The following COL7A1 variants were observed in gnomAD, a reference collection of about 807,000 sequenced individuals.
COL7A1 encodes the protein collagen alpha-1(VII) chain.
Under a neutral mutation model 456.2 loss-of-function variants are expected in COL7A1, and 296 were observed. The ratio of observed to expected loss-of-function variants is 0.65; its 90% CI spans 0.59 to 0.71. COL7A1 has a LOEUF of 0.71. Among genes scored for constraint, COL7A1 ranks in the 30% least tolerant of loss-of-function variants. The pLI, the probability that COL7A1 is intolerant of heterozygous loss-of-function variation, is 0.00. For synonymous variants in COL7A1, 1,464 were observed against 1,525.9 expected (o/e 0.96, Z 0.95); for missense variants, 3,441 against 4,017.2 (o/e 0.86, Z 3.88).
At position 48,585,818 on chromosome 3, in the gene COL7A1, A is replaced by G. The variant is rs1184948216; in HGVS notation, c.3786+12T>C. On this transcript the variant is annotated intron_variant, in intron 30 of 118. Transcript: ENST00000681320. This position sits in a 1 kb window ranked among gnomAD's most constrained non-coding sequence, Gnocchi z 4.5. Reference sequence around the variant, plus strand: ...AACCCATTCTCTATTCCCCGCCCGCAGGGGCACTCACCATCTCTCCAGGTT... The same window carrying G: ...AACCCATTCTCTATTCCCCGCCCGCGGGGGCACTCACCATCTCTCCAGGTT... 3.1e-6 allele frequency: 5 copies of G among 1,613,894 alleles called. No homozygotes were observed. The highest frequency in any genetic ancestry group is 1.1e-5 in the South Asian group (1 of 91,088).
At chr3:48,577,379 G>C (rs1169177645) in intron 65 of COL7A1, among the ~76,000 whole-genome samples, 9 of 152,206 alleles carry the variant, frequency 5.9e-5, no homozygotes, top group Admixed American at 5.9e-4. Flanking sequence ...GTGTGTCCTG[G>C]TCTGTTTGCA....
intron 1 of COL7A1, 32 bp from the exon 2 acceptor site, chr3:48,595,192 C>A: frequency 6.5e-7 from 1 of 1,530,532 alleles, no homozygotes; most frequent in South Asian, 1.2e-5. Flanking sequence ...CTAGGACCCC[C>A]GCCTCTGTCC....
rs1470954674 is a variant in COL7A1 at position 48,591,922 on chromosome 3, G to A, written c.1333C>T (p.Arg445Trp). Residue 445 changes from arginine (R) to tryptophan (W), a missense_variant, in exon 11 of 119, where the codon CGG (arginine) becomes TGG (tryptophan). Arg to Trp is a moderately radical substitution (Grantham distance 101). Coordinates refer to ENST00000681320, the MANE Select transcript of COL7A1 (RefSeq NM_000094.4). The surrounding 1 kb of genome is among the most constrained non-coding windows in gnomAD (Gnocchi z 7.0). Reference protein sequence around the residue: ...WNLVPEARGYRLEWRRETGLE... With the variant: ...WNLVPEARGYWLEWRRETGLE... Reference sequence around the variant, plus strand: ...CCAGTCTCACGCCGCCATTCCAACCGGTAGCCACGGGCCTCAGGCACCAAG... The same window carrying A: ...CCAGTCTCACGCCGCCATTCCAACCAGTAGCCACGGGCCTCAGGCACCAAG... 6.8e-6 allele frequency: 11 copies of A among 1,614,022 alleles called. No homozygotes were observed. The highest frequency in any genetic ancestry group is 1.7e-5 in the Admixed American group (1 of 60,006).
rs1204320700 is a variant in COL7A1, at chr3:48,579,331, C to T, written c.5307+38G>A. 6.2e-7 allele frequency: 1 copy of T among 1,614,162 alleles called. No individual in the cohort carries two copies. The highest frequency in any genetic ancestry group is 8.5e-7 in the Non-Finnish European group (1 of 1,180,018). ...CCAAGGCTGAGGTGGATCTGATAACCCAGGCTCATGTCCTGAGAAACCCCC... is the reference window on the plus strand; with the variant it reads ...CCAAGGCTGAGGTGGATCTGATAACTCAGGCTCATGTCCTGAGAAACCCCC... On this transcript the variant is annotated intron_variant, in intron 61 of 118. Transcript: ENST00000681320. The surrounding 1 kb of genome is among the most constrained non-coding windows in gnomAD (Gnocchi z 4.4).
Position 48,589,340 on chromosome 3 carries a change from C to G in COL7A1, c.2301G>C (p.Val767=). 1.9e-6 allele frequency: 3 copies of G among 1,612,974 alleles called. No homozygotes were observed. Among genetic ancestry groups the G allele is most frequent in the Non-Finnish European group, 1.7e-6 (2 of 1,179,986 alleles). Residue 767 remains valine (V), a synonymous_variant, in exon 18 of 119, where the codon GTG becomes GTC. Transcript: ENST00000681320. ...VAGVDGPPAS[V]VVRTAPEPVG... ...GGGTCCACTCACCAGTCCTCACAAC[C>G]ACAGAGGCAGGGGGCCCATCCACGC...
chr3:48,592,563 T>C lies in COL7A1; in HGVS notation c.976+7A>G, dbSNP rs2045781232. On this transcript the variant is annotated splice_region_variant and intron_variant, in intron 8 of 118. Transcript: ENST00000681320. This position sits in a 1 kb window ranked among gnomAD's most constrained non-coding sequence, Gnocchi z 7.6. ...GAATGGGGTCAGAGGCTGGCAGAAT[T>C]GCTCACTGGTCCGAGCTGTCCCGCT... 6.2e-7 allele frequency: 1 copy of C among 1,613,838 alleles called. No individual in the cohort carries two copies. Among genetic ancestry groups the C allele is most frequent in the South Asian group, 1.1e-5 (1 of 91,074 alleles).
At chr3:48,582,188 CAGA>C (rs1260187863) in intron 47 of COL7A1, 132 bp downstream of exon 47, 2 of 1,525,536 alleles carry the variant, frequency 1.3e-6, no homozygotes, top group African/African-American at 1.4e-5. Context: ...CAGGTTCTAG[CAGA>C]AGGAGAGCCG....
chr3:48,568,286 GC>G lies in COL7A1; in HGVS notation c.7795-117del. ...GTGGGAGTCACCTCTGGAGGCCAGA[GC>G]CACTGGGGCTTGCCATGGGGACAAG... On this transcript the variant is annotated intron_variant, in intron 105 of 118. Transcript: ENST00000681320. The surrounding 1 kb of genome is among the most constrained non-coding windows in gnomAD (Gnocchi z 5.2). The G allele has an allele frequency of 1.6e-6, 2 of 1,246,374 alleles. No homozygotes were observed. The highest frequency in any genetic ancestry group is 2.3e-6 in the Non-Finnish European group (2 of 862,162). The allele number at this position is 1,246,374 out of a possible 1,614,324, so 77.2% of individuals were successfully genotyped here.
At position 48,565,477 on chromosome 3, in the gene COL7A1, A is replaced by C; in HGVS notation, c.8460T>G (p.Ala2820=). 2.5e-6 allele frequency: 4 copies of C among 1,613,584 alleles called. No homozygotes were observed. The highest frequency in any genetic ancestry group is 3.4e-6 in the Non-Finnish European group (4 of 1,179,722). The change falls in exon 116 of 119, where the codon GCT becomes GCG. Residue 2820 remains alanine, a synonymous_variant. Transcript: ENST00000681320. The surrounding 1 kb of genome is among the most constrained non-coding windows in gnomAD (Gnocchi z 4.5). ...ASGSRPLPSY[A]ADTAGSQLHA... ...GGAGCTGGGAGCCGGCAGTGTCTGCAGCATAACTAGGGAGGGGTCCTGGAG... is the reference window on the plus strand; with the variant it reads ...GGAGCTGGGAGCCGGCAGTGTCTGCCGCATAACTAGGGAGGGGTCCTGGAG...
Position 48,590,664 on chromosome 3 carries a change from A to G in COL7A1, c.1780+9T>C. On this transcript the variant is annotated intron_variant, in intron 14 of 118. Coordinates refer to ENST00000681320, the MANE Select transcript of COL7A1 (RefSeq NM_000094.4). The surrounding 1 kb of genome is among the most constrained non-coding windows in gnomAD (Gnocchi z 4.6). ...CAGCTGTCCTCCACAAGCCTCCTGC[A>G]GTACTCACCCCGGCGGACAGTGAGG... The G allele has an allele frequency of 6.2e-7, 1 of 1,614,008 alleles. No homozygotes were observed. Among genetic ancestry groups the G allele is most frequent in the Middle Eastern group, 1.6e-4 (1 of 6,062 alleles).
In COL7A1 at chr3:48,583,613, A is replaced by T. The variant is rs756137791; in HGVS notation, c.4344T>A (p.Gly1448=). 5 of 1,614,022 alleles carry T rather than the reference A, an allele frequency of 3.1e-6. No individual in the cohort carries two copies. ...GGCCTGGAGCTCCATCCTCAGAGTC[A>T]CCCTGAAGGAGAAACACACGGGTGG... ...VGPPGKKGEK[G]DSEDGAPGLP... is the part of the protein sequence containing the mutation. Residue 1448 remains glycine (G), a splice_region_variant and synonymous_variant, in exon 41 of 119, where the codon GGT becomes GGA. Transcript: ENST00000681320. This position sits in a 1 kb window ranked among gnomAD's most constrained non-coding sequence, Gnocchi z 5.1.
At position 48,584,020 on chromosome 3, in the gene COL7A1, C is replaced by T; in HGVS notation, c.4224+15G>A. The T allele has an allele frequency of 6.2e-7, 1 of 1,614,116 alleles. No homozygotes were observed. The highest frequency in any genetic ancestry group is 1.1e-5 in the South Asian group (1 of 91,090). On this transcript the variant is annotated intron_variant, in intron 38 of 118. Transcript: ENST00000681320. ...GACTCCAAGCCACCCCTAGCACAAC[C>T]TGTCCCTCACTTACCCGCTCCCCAC...
In COL7A1 at chr3:48,580,598, C is replaced by T. The variant is rs1131691601; in HGVS notation, c.5035G>A (p.Gly1679Arg). Residue 1679 changes from glycine to arginine, a missense_variant, in exon 55 of 119, where the codon GGA becomes AGA. This residue lies in a region of COL7A1 where 2,084 missense variants were observed against 2,501.3 expected (regional missense o/e 0.83). Coordinates refer to ENST00000681320, the MANE Select transcript of COL7A1 (RefSeq NM_000094.4). The surrounding 1 kb of genome is among the most constrained non-coding windows in gnomAD (Gnocchi z 4.5). Reference protein sequence around the residue: ...VGEKGDQGDPGEDGRNGSPGS... With the variant: ...VGEKGDQGDPREDGRNGSPGS... The stretch of plus-strand genomic sequence containing the variant: ...GGACTCACATTTCGTCCATCCTCTC[C>T]AGGATCTCCCTGGTCTCCCTTTTCA... The T allele has an allele frequency of 2.5e-6, 4 of 1,613,944 alleles. No homozygotes were observed. The highest frequency in any genetic ancestry group is 3.4e-6 in the Non-Finnish European group (4 of 1,179,940).
chr3:48,570,171 T>A lies in COL7A1; in HGVS notation c.7448A>T (p.Asp2483Val). The change falls in exon 99 of 119, where the codon GAT (aspartate) becomes GTT (valine). Residue 2483 changes from aspartate to valine, a missense_variant. Asp to Val is a radical substitution (Grantham distance 152). Transcript: ENST00000681320. This position sits in a 1 kb window ranked among gnomAD's most constrained non-coding sequence, Gnocchi z 5.5. The stretch of plus-strand genomic sequence containing the variant: ...GGGTCCCTCCTGGCCGGGGCGGCCA[T>A]CTTCACCCTGGATGGTGACATTAGG... ...ERGEPGIRGE[D>V]GRPGQEGPRG... The A allele has an allele frequency of 6.2e-7, 1 of 1,614,020 alleles. No individual in the cohort carries two copies. The highest frequency in any genetic ancestry group is 2.2e-5 in the East Asian group (1 of 44,880).
At position 48,585,100 on chromosome 3, in the gene COL7A1, T is replaced by C. The variant is rs776389755; in HGVS notation, c.3911A>G (p.Asp1304Gly). Residue 1304 changes from aspartate to glycine, a missense_variant, in exon 33 of 119, where the codon GAT becomes GGT. Coordinates refer to ENST00000681320, the MANE Select transcript of COL7A1 (RefSeq NM_000094.4). This position sits in a 1 kb window ranked among gnomAD's most constrained non-coding sequence, Gnocchi z 4.5. The stretch of plus-strand genomic sequence containing the variant: ...GCGGCCAGGGCTGCCTGGACGCCCA[T>C]CTGCTCCAGGGAAGCCCTGAGGAGG... ...AKGERGFPGA[D>G]GRPGSPGRAG... The C allele has an allele frequency of 1.2e-6, 2 of 1,611,564 alleles. No homozygotes were observed. Among genetic ancestry groups the C allele is most frequent in the Non-Finnish European group, 1.7e-6 (2 of 1,179,792 alleles).
chr3:48,591,344 C>G lies in COL7A1; in HGVS notation c.1636+120G>C, dbSNP rs1024520533. The stretch of plus-strand genomic sequence containing the variant: ...GCCATCTTGGGAAGCAGATGGATAA[C>G]GAGACAGGGAGGAGACTATAGGGAC... On this transcript the variant is annotated intron_variant, in intron 13 of 118. Coordinates refer to ENST00000681320, the MANE Select transcript of COL7A1 (RefSeq NM_000094.4). The surrounding 1 kb of genome is among the most constrained non-coding windows in gnomAD (Gnocchi z 7.0). The G allele has an allele frequency of 2.2e-6, 3 of 1,372,288 alleles. No individual in the cohort carries two copies. Among genetic ancestry groups the G allele is most frequent in the Middle Eastern group, 2.6e-4 (1 of 3,856 alleles). The allele number at this position is 1,372,288 out of a possible 1,614,324, so 85.0% of individuals were successfully genotyped here. A position where few individuals can be genotyped will look rare whatever the true frequency, so the allele number is the denominator to read the frequency against.
chr3:48,589,835 G>A (rs1316380289), intron 16 of COL7A1, 117 bp from the exon 17 acceptor site: 2 of 1,448,186 alleles, frequency 1.4e-6, no homozygotes, highest in Non-Finnish European at 1.9e-6. Context: ...AGGAGATGGT[G>A]AATAGGTCCA....
At position 48,592,807 on chromosome 3, in the gene COL7A1, G is replaced by T. The variant is rs761770920; in HGVS notation, c.814C>A (p.Leu272Met). 1.5e-5 allele frequency: 24 copies of T among 1,613,664 alleles called. No individual in the cohort carries two copies. Among genetic ancestry groups the T allele is most frequent in the Non-Finnish European group, 1.9e-5 (23 of 1,180,050 alleles). Residue 272 changes from leucine (L) to methionine (M), a missense_variant, in exon 7 of 119, where the codon CTG becomes ATG. Transcript: ENST00000681320. This position sits in a 1 kb window ranked among gnomAD's most constrained non-coding sequence, Gnocchi z 7.6. ...YKVQYTPLTG[L>M]GQPLPSERQE... ...CGCTCACTCGGCAGTGGCTGTCCCA[G>T]CCCCGTCAGAGGAGTGTACTGGACC... is the stretch of plus-strand genomic sequence containing the variant.
rs750262029 is a variant in COL7A1 at position 48,568,831 on chromosome 3, T to C, written c.7711A>G (p.Lys2571Glu). 1.8e-5 allele frequency: 29 copies of C among 1,577,006 alleles called. No homozygotes were observed. Among genetic ancestry groups the C allele is most frequent in the Non-Finnish European group, 1.9e-5 (22 of 1,160,226 alleles). The change falls in exon 104 of 119, where the codon AAG becomes GAG. Residue 2571 changes from lysine to glutamate, a missense_variant. This residue lies in a region of COL7A1 where 2,084 missense variants were observed against 2,501.3 expected (regional missense o/e 0.83). Coordinates refer to ENST00000681320, the MANE Select transcript of COL7A1 (RefSeq NM_000094.4). The surrounding 1 kb of genome is among the most constrained non-coding windows in gnomAD (Gnocchi z 5.2). Reference protein sequence around the residue: ...DKGSKGEPGDKGSAGLPGLRG... With the variant: ...DKGSKGEPGDEGSAGLPGLRG... ...AGTCCTGGCAACCCGGCTGAGCCCT[T>C]GTCACCAGGCTCTCCCTTGCTGCCC...
Sources: allele counts gnomAD v4.1 joint callset (sites outside exome capture counted in the v4.1 genomes callset), GRCh38; gene constraint gnomAD v4.1.1; regional missense constraint gnomAD v4.1.1; non-coding constraint Gnocchi (gnomAD v3.1); transcripts MANE v1.5; gene names NCBI Gene and HGNC (gene_info 2026-07-23, HGNC 2026-07-21).